TMEM266: variants seen among roughly 807,000 people sequenced by gnomAD.
The protein encoded by TMEM266 is transmembrane protein 266.
In TMEM266, 33 loss-of-function variants were observed where a neutral mutation model predicts 50.5. The ratio of observed to expected loss-of-function variants is 0.65; its 90% CI spans 0.50 to 0.87. TMEM266 has a LOEUF of 0.87. Ranked by LOEUF, TMEM266 falls within the 40% of genes least tolerant of loss-of-function variation. TMEM266 has a pLI of 0.00. For missense variants in TMEM266, 655 were observed against 695.1 expected (o/e 0.94, Z 0.65); for synonymous variants, 310 against 292.3 (o/e 1.06, Z -0.62).
intron 10 of TMEM266, among the ~76,000 whole-genome samples, chr15:76,203,356 G>T (rs1186365755): frequency 4.6e-5 from 7 of 152,124 alleles, no homozygotes; most frequent in African/African-American, 1.4e-4. Context: ...TTGGCTGGGG[G>T]CTCTGCTCCT....
At chr15:76,147,604 T>G (rs1425153688) in intron 3 of TMEM266, among the ~76,000 whole-genome samples, 1 of 152,234 alleles carries the variant, frequency 6.6e-6, no homozygotes, top group Non-Finnish European at 1.5e-5. Flanking sequence ...GGCTCCGGTT[T>G]CAAGGAGAAT....
chr15:76,109,291 C>T (rs1441725171), intron 1 of TMEM266: 7 of 152,216 alleles, frequency 4.6e-5, no homozygotes, highest in African/African-American at 1.7e-4. Context: ...GCTGCTGGCT[C>T]ACCTCATTAT....
intron 1 of TMEM266, among the ~76,000 whole-genome samples, chr15:76,106,673 C>T (rs7168451): frequency 0.26 from 38,801 of 151,994 alleles, 5,419 homozygotes; most frequent in South Asian, 0.43. Context: ...CTCAAACTCC[C>T]GGCCTCAAGC....
rs1168208397 is a variant in TMEM266 at position 76,160,470 on chromosome 15, C to T, written c.456+302C>T. Among the ~76,000 whole-genome samples, 1 of 152,118 alleles carries T rather than the reference C, an allele frequency of 6.6e-6. No homozygotes were observed. The highest frequency in any genetic ancestry group is 2.4e-5 in the African/African-American group (1 of 41,410). ...GTGAAGGTGAGACTGAATGTGGCGT[C>T]GAGGGGCAGCCAGTGTTGGGTGCAG... is the stretch of plus-strand genomic sequence containing the variant. On this transcript the variant is annotated intron_variant, in intron 5 of 10. Coordinates refer to ENST00000388942, the MANE Select transcript of TMEM266 (RefSeq NM_152335.3). This position sits in a 1 kb window ranked among gnomAD's most constrained non-coding sequence, Gnocchi z 5.7.
intron 1 of TMEM266, among the ~76,000 whole-genome samples, chr15:76,129,006 C>T (rs931122326): frequency 4.6e-5 from 7 of 152,206 alleles, no homozygotes; most frequent in South Asian, 4.2e-4. Context: ...AATAAAGGGG[C>T]GAAAGTTAAG....
chr15:76,198,801 C>T (rs2038694719), intron 9 of TMEM266, among the ~76,000 whole-genome samples: 1 of 152,256 alleles, frequency 6.6e-6, no homozygotes, highest in African/African-American at 2.4e-5. Flanking sequence ...GATCCACCAG[C>T]CTGCATGACA....
intron 1 of TMEM266, among the ~76,000 whole-genome samples, chr15:76,061,059 T>G (rs907012637): frequency 7.2e-5 from 11 of 152,328 alleles, no homozygotes; most frequent in Middle Eastern, 6.8e-3. Context: ...CACCTTGCTT[T>G]GAACAACAGT....
intron 9 of TMEM266, among the ~76,000 whole-genome samples, chr15:76,200,423 G>C (rs62030187): frequency 0.074 from 11,271 of 152,282 alleles, 486 homozygotes; most frequent in Middle Eastern, 0.12. Context: ...AGAGGGGATG[G>C]GACCTGCTTG....
chr15:76,197,551 G>A (rs558268858), intron 9 of TMEM266, among the ~76,000 whole-genome samples: 1 of 152,230 alleles, frequency 6.6e-6, no homozygotes, highest in African/African-American at 2.4e-5. Context: ...AACAGGTGTA[G>A]AAGTTCTTCA....
intron 1 of TMEM266, among the ~76,000 whole-genome samples, chr15:76,084,859 C>T (rs966888248): frequency 2.6e-5 from 4 of 151,874 alleles, no homozygotes; most frequent in African/African-American, 4.8e-5. Context: ...CCTTGGCCTC[C>T]GAAAGTGCTG....
chr15:76,065,257 C>G (rs1034878795), intron 1 of TMEM266, among the ~76,000 whole-genome samples: 2 of 152,156 alleles, frequency 1.3e-5, no homozygotes, highest in Non-Finnish European at 2.9e-5. Context: ...CTGTCAGTTT[C>G]TATGCAAGGC....
chr15:76,096,199 G>T (rs1008370530), intron 1 of TMEM266, among the ~76,000 whole-genome samples: 6 of 151,924 alleles, frequency 3.9e-5, no homozygotes, highest in African/African-American at 1.4e-4. Flanking sequence ...TACTTTTGAT[G>T]TTAAGGTGTT....
At chr15:76,163,742 C>G (rs1056891355) in intron 5 of TMEM266, among the ~76,000 whole-genome samples, 10 of 152,110 alleles carry the variant, frequency 6.6e-5, no homozygotes, top group African/African-American at 2.2e-4. Flanking sequence ...TGGTCGCATC[C>G]CTGGGGTCTG....
Position 76,172,813 on chromosome 15 carries a change from C to T in TMEM266, c.652+1682C>T, listed in dbSNP as rs370187501. ...CAGCGCTCTTTCGGCTGCTCACTCC[C>T]TGCAGTCTGCTCAGGGCCCTGTTCT... is the stretch of plus-strand genomic sequence containing the variant. On this transcript the variant is annotated intron_variant, in intron 7 of 10. Transcript: ENST00000388942. Among the ~76,000 whole-genome samples the T allele has an allele frequency of 3.9e-5, 6 of 152,342 alleles. No individual in the cohort carries two copies. In the East Asian group the frequency reaches 9.6e-4, roughly 24 times the overall value.
chr15:76,132,813 A>AATAATATT (rs748559421), intron 1 of TMEM266, among the ~76,000 whole-genome samples: 1 of 135,024 alleles, frequency 7.4e-6, no homozygotes, highest in African/African-American at 2.7e-5. Flanking sequence ...TAATAATAGT[A>AATAATATT]ATTATTATTA....
At chr15:76,154,521 T>C (rs988581760) in intron 3 of TMEM266, among the ~76,000 whole-genome samples, 3 of 152,128 alleles carry the variant, frequency 2.0e-5, no homozygotes, top group Non-Finnish European at 2.9e-5. Context: ...TGTCCCTTAA[T>C]GGAAAACCCT....
rs543416222 is a variant in TMEM266, at chr15:76,153,513, C to T, written c.228-3091C>T. 2.0e-5 allele frequency among the ~76,000 whole-genome samples: 3 copies of T among 152,258 alleles called. No individual in the cohort carries two copies. The highest frequency in any genetic ancestry group is 7.2e-5 in the African/African-American group (3 of 41,548). ...ATGACATGCCATCAGTTTTAGGGGC[C>T]GCAGACAACGGTAATGGGCATTGGG... On this transcript the variant is annotated intron_variant, in intron 3 of 10. Coordinates refer to ENST00000388942, the MANE Select transcript of TMEM266 (RefSeq NM_152335.3). The surrounding 1 kb of genome is among the most constrained non-coding windows in gnomAD (Gnocchi z 4.2).
In TMEM266 at chr15:76,171,002, G is replaced by A. The variant is rs1391701952; in HGVS notation, c.523G>A (p.Gly175Arg). The A allele has an allele frequency of 4.3e-6, 7 of 1,612,212 alleles. No homozygotes were observed. The highest frequency in any genetic ancestry group is 1.7e-5 in the Admixed American group (1 of 59,864). ...GGGCCTCCTCTCACAGGTGTTTGAC[G>A]GGGCTGTGATCATCCTATCTTTGGC... Residue 175 changes from glycine (G) to arginine (R), a missense_variant, in exon 7 of 11, where the codon GGG (glycine) becomes AGG (arginine). This residue lies in a region of TMEM266 where 101 missense variants were observed against 182.6 expected (regional missense o/e 0.55). Coordinates refer to ENST00000388942, the MANE Select transcript of TMEM266 (RefSeq NM_152335.3).
chr15:76,067,526 G>A (rs764551782), intron 1 of TMEM266, among the ~76,000 whole-genome samples: 3 of 151,560 alleles, frequency 2.0e-5, no homozygotes, highest in Non-Finnish European at 4.4e-5. Context: ...GCCTGTACTC[G>A]GGAGGCTGAG....
Sources: allele counts gnomAD v4.1 joint callset (sites outside exome capture counted in the v4.1 genomes callset), GRCh38; gene constraint gnomAD v4.1.1; regional missense constraint gnomAD v4.1.1; non-coding constraint Gnocchi (gnomAD v3.1); transcripts MANE v1.5; gene names NCBI Gene and HGNC (gene_info 2026-07-23, HGNC 2026-07-21).